Variants in CYTH4 observed in about 807,000 individuals in gnomAD.
CYTH4 encodes cytohesin-4.
In CYTH4, 22 loss-of-function variants were observed where a neutral mutation model predicts 57.5. The ratio of observed to expected loss-of-function variants is 0.38; its 90% CI spans 0.27 to 0.55. CYTH4 has a LOEUF of 0.55. Among genes scored for constraint, CYTH4 ranks in the 20% least tolerant of loss-of-function variants. The pLI, the probability that CYTH4 is intolerant of heterozygous loss-of-function variation, is 0.74. For synonymous variants in CYTH4, 186 were observed against 206.5 expected, an observed-to-expected ratio of 0.90 and a Z score of 0.85; for missense variants, 420 against 535.6, an observed-to-expected ratio of 0.78 and a Z score of 2.13.
Position 37,303,263 on chromosome 22 carries a change from A to G in CYTH4, c.557A>G (p.Tyr186Cys). Reference protein sequence around the residue: ...PGVFQSTDTCYVLSFSIIMLN... With the variant: ...PGVFQSTDTCCVLSFSIIMLN... ...GCTGTCCCCTCCGCAGACACCTGCT[A>G]CGTGTTGTCCTTCTCCATCATCATG... The change falls in exon 8 of 13, where the codon TAC becomes TGC. Residue 186 changes from tyrosine (Y) to cysteine (C), a missense_variant. Physicochemically the swap from Tyr to Cys is radical, Grantham distance 194. Coordinates refer to ENST00000248901, the MANE Select transcript of CYTH4 (RefSeq NM_013385.5). 6.2e-7 allele frequency: 1 copy of G among 1,614,184 alleles called. No homozygotes were observed.
At position 37,311,369 on chromosome 22, in the gene CYTH4, GT is replaced by G; in HGVS notation, c.886-84del. On this transcript the variant is annotated intron_variant, in intron 10 of 12. Coordinates refer to ENST00000248901, the MANE Select transcript of CYTH4 (RefSeq NM_013385.5). The surrounding 1 kb of genome is among the most constrained non-coding windows in gnomAD (Gnocchi z 4.4). The stretch of plus-strand genomic sequence containing the variant: ...GGAAGATGAGCACGCTCCTCTTTGA[GT>G]TTGGGGAACCCCACACGTTCACACC... The G allele has an allele frequency of 1.6e-6, 2 of 1,218,880 alleles. No homozygotes were observed. The highest frequency in any genetic ancestry group is 2.4e-6 in the Non-Finnish European group (2 of 827,362). The allele number at this position is 1,218,880 out of a possible 1,614,324, so 75.5% of individuals were successfully genotyped here. A position where few individuals can be genotyped will look rare whatever the true frequency, so the allele number is the denominator to read the frequency against.
intron 6 of CYTH4, 135 bp from the exon 7 acceptor site, chr22:37,300,772 C>G: frequency 1.4e-6 from 1 of 704,700 alleles, no homozygotes; most frequent in African/African-American, 1.8e-5. Flanking sequence ...CCCACTTCCC[C>G]GTCAGCCCAG....
At chr22:37,309,166 C>A (rs370823727) in intron 8 of CYTH4, 46 bp from the exon 9 acceptor site, 2 of 1,582,216 alleles carry the variant, frequency 1.3e-6, no homozygotes, top group South Asian at 2.2e-5. Flanking sequence ...GCCTTGGACT[C>A]GGGTGGACTC....
At chr22:37,299,735 G>A (rs544272086) in intron 6 of CYTH4, among the ~76,000 whole-genome samples, 55 of 152,278 alleles carry the variant, frequency 3.6e-4, no homozygotes, top group African/African-American at 1.2e-3. Flanking sequence ...CCAATTATCA[G>A]TTTGAAGCAC....
chr22:37,294,415 A>T (rs974334347), intron 2 of CYTH4, among the ~76,000 whole-genome samples: 1 of 151,928 alleles, frequency 6.6e-6, no homozygotes, highest in African/African-American at 2.4e-5. Context: ...ACTCCCCAAG[A>T]CAAGTGGAGG....
In CYTH4 at chr22:37,311,913, G is replaced by T; in HGVS notation, c.958-107G>T. On this transcript the variant is annotated intron_variant, in intron 11 of 12. Coordinates refer to ENST00000248901, the MANE Select transcript of CYTH4 (RefSeq NM_013385.5). The surrounding 1 kb of genome is among the most constrained non-coding windows in gnomAD (Gnocchi z 4.4). Reference sequence around the variant, plus strand: ...GCTCCTGCCCCTTCGCCTGTCGTAGGGCTGTCACGCTGATCAGGGACACTA... The same window carrying T: ...GCTCCTGCCCCTTCGCCTGTCGTAGTGCTGTCACGCTGATCAGGGACACTA... 1 of 1,405,790 alleles carries T rather than the reference G, an allele frequency of 7.1e-7. No individual in the cohort carries two copies. The highest frequency in any genetic ancestry group is 9.7e-7 in the Non-Finnish European group (1 of 1,028,342). 87.1% of individuals were successfully genotyped at this position (1,405,790 alleles called of 1,614,324 possible).
chr22:37,282,912 G>T (rs1569103043), intron 1 of CYTH4, among the ~76,000 whole-genome samples: 1 of 152,224 alleles, frequency 6.6e-6, no homozygotes, highest in Non-Finnish European at 1.5e-5. Flanking sequence ...AGGAAGACAG[G>T]AATGCATGGT....
intron 1 of CYTH4, among the ~76,000 whole-genome samples, chr22:37,288,917 C>T (rs1439869420): frequency 6.6e-6 from 1 of 152,238 alleles, no homozygotes; most frequent in Non-Finnish European, 1.5e-5. Context: ...CTGTAGAGAG[C>T]ATCCCTTGGT....
intron 1 of CYTH4, among the ~76,000 whole-genome samples, chr22:37,285,503 C>G (rs1390600786): frequency 6.6e-6 from 1 of 152,054 alleles, no homozygotes; most frequent in Non-Finnish European, 1.5e-5. Context: ...GTCAGGAGAT[C>G]GAGACCAACC....
chr22:37,312,220 A>G (rs1929674283), intron 12 of CYTH4, 46 bp downstream of exon 12: 3 of 1,601,852 alleles, frequency 1.9e-6, no homozygotes, highest in Non-Finnish European at 2.6e-6. Flanking sequence ...CACCTTCCAG[A>G]AGGCCCTGCT....
rs1229945972 is a variant in CYTH4, at chr22:37,303,316, G to A, written c.610G>A (p.Val204Ile). The change falls in exon 8 of 13, where the codon GTC becomes ATC. Residue 204 changes from valine (V) to isoleucine (I), a missense_variant. Physicochemically the swap from Val to Ile is conservative, Grantham distance 29. Transcript: ENST00000248901. ...MLNTSLHNPN[V>I]RDRPPFERFV... ...CAACACCAGCCTCCACAATCCCAACGTCCGGGACAGGCCGCCTTTTGAGCG... is the reference window on the plus strand; with the variant it reads ...CAACACCAGCCTCCACAATCCCAACATCCGGGACAGGCCGCCTTTTGAGCG... 13 of 1,614,148 alleles carry A rather than the reference G, an allele frequency of 8.1e-6. No individual in the cohort carries two copies. Among genetic ancestry groups the A allele is most frequent in the African/African-American group, 2.7e-5 (2 of 75,038 alleles).
At chr22:37,293,488 C>A (rs1182355243) in intron 2 of CYTH4, among the ~76,000 whole-genome samples, 1 of 152,262 alleles carries the variant, frequency 6.6e-6, no homozygotes, top group Non-Finnish European at 1.5e-5. Context: ...CTGGGTGCAG[C>A]ATTAATAGGT....
intron 4 of CYTH4, among the ~76,000 whole-genome samples, chr22:37,296,921 C>T (rs1262840342): frequency 6.6e-6 from 1 of 152,222 alleles, no homozygotes; most frequent in Non-Finnish European, 1.5e-5. Flanking sequence ...CCAACCCCTC[C>T]AACTCCTAAA....
At chr22:37,284,944 C>T (rs1282738982) in intron 1 of CYTH4, among the ~76,000 whole-genome samples, 1 of 125,270 alleles carries the variant, frequency 8.0e-6, no homozygotes, top group African/African-American at 2.7e-5. Flanking sequence ...TCGGCTGGGG[C>T]GGTGGGGGGG....
At chr22:37,287,606 C>T (rs533864413) in intron 1 of CYTH4, among the ~76,000 whole-genome samples, 72 of 152,198 alleles carry the variant, frequency 4.7e-4, no homozygotes, top group Non-Finnish European at 7.9e-4. Flanking sequence ...GCACTGCCTC[C>T]CCGGCTGTCC....
chr22:37,314,662 C>T lies in CYTH4; in HGVS notation c.*1151C>T, dbSNP rs1193563983. 40 of 370,220 alleles carry T rather than the reference C, an allele frequency of 1.1e-4. No individual in the cohort carries two copies. Among genetic ancestry groups the T allele is most frequent in the Admixed American group, 3.2e-4 (7 of 21,742 alleles). The allele number at this position is 370,220 out of a possible 1,614,324, so 22.9% of individuals were successfully genotyped here. ...CAGAGTAGAGCTGACTTCCAGTACC[C>T]GGGCAGCCAGCTCTGTCTCCAGGGA... is the stretch of plus-strand genomic sequence containing the variant. On this transcript the variant is annotated 3_prime_UTR_variant, in exon 13 of 13. Transcript: ENST00000248901.
At chr22:37,304,546 G>A (rs939290201) in intron 8 of CYTH4, among the ~76,000 whole-genome samples, 1 of 152,290 alleles carries the variant, frequency 6.6e-6, no homozygotes, top group Non-Finnish European at 1.5e-5. Flanking sequence ...GGCAGAGGGG[G>A]CGCGAACACC....
Position 37,292,770 on chromosome 22 carries a change from C to T in CYTH4, c.102+67C>T. The T allele has an allele frequency of 7.2e-6, 11 of 1,523,948 alleles. No individual in the cohort carries two copies. The South Asian group carries it at 1.1e-4, about 16-fold the overall frequency. The allele number at this position is 1,523,948 out of a possible 1,614,324, so 94.4% of individuals were successfully genotyped here. A position where few individuals can be genotyped will look rare whatever the true frequency, so the allele number is the denominator to read the frequency against. On this transcript the variant is annotated intron_variant, in intron 2 of 12. Transcript: ENST00000248901. ...CTCCTGCACGCTTGTACGCACCCCACCAGCTCCTGACCCAGCCTGGTCAAC... is the reference window on the plus strand; with the variant it reads ...CTCCTGCACGCTTGTACGCACCCCATCAGCTCCTGACCCAGCCTGGTCAAC...
intron 2 of CYTH4, 129 bp from the exon 3 acceptor site, chr22:37,294,531 C>T (rs1464061805): frequency 2.1e-6 from 2 of 943,862 alleles, no homozygotes; most frequent in Non-Finnish European, 3.2e-6. Flanking sequence ...GGACTCAGGA[C>T]AGAGGTCAGG....
Sources: gnomAD v4.1 joint callset for allele counts (sites outside exome capture counted in the v4.1 genomes callset) on GRCh38, gnomAD v4.1.1 for gene constraint, Gnocchi (gnomAD v3.1) non-coding constraint, MANE v1.5 for transcripts, NCBI Gene and HGNC (gene_info 2026-07-23, HGNC 2026-07-21) for gene names.